KRTAP5-6: variants seen among roughly 807,000 people sequenced by gnomAD.
KRTAP5-6 encodes the protein keratin associated protein 5-6, also known as keratin-associated protein 5-6.
For missense variants in KRTAP5-6, 175 were observed against 157.6 expected (o/e 1.11, Z -0.59); for synonymous variants, 57 against 61.7 (o/e 0.92, Z 0.36).
chr11:1,697,378 T>C lies in KRTAP5-6; in HGVS notation c.133T>C (p.Cys45Arg). ...CKPVCCCVPA[C>R]SCTSCGSCGG... Reference sequence around the variant, plus strand: ...GCCCGTGTGCTGCTGTGTGCCAGCCTGTTCCTGCACCAGCTGTGGCTCTTG... The same window carrying C: ...GCCCGTGTGCTGCTGTGTGCCAGCCCGTTCCTGCACCAGCTGTGGCTCTTG... Residue 45 changes from cysteine (C) to arginine (R), a missense_variant, in exon 1 of 1, where the codon TGT becomes CGT. By Grantham distance (180) the Cys-to-Arg change is radical. Coordinates refer to ENST00000382160, the MANE Select transcript of KRTAP5-6 (RefSeq NM_001012416.1). 2 of 1,612,856 alleles carry C rather than the reference T, an allele frequency of 1.2e-6. No individual in the cohort carries two copies. Among genetic ancestry groups the C allele is most frequent in the Non-Finnish European group, 1.7e-6 (2 of 1,179,896 alleles).
Position 1,697,734 on chromosome 11 carries a change from G to C in KRTAP5-6, c.*99G>C. On this transcript the variant is annotated 3_prime_UTR_variant, in exon 1 of 1. Coordinates refer to ENST00000382160, the MANE Select transcript of KRTAP5-6 (RefSeq NM_001012416.1). ...TTCTGGCTGTCCCACAGCTCCAGGA[G>C]TTGTGTCCCCTGAATTTTGCAGAAG... 6.5e-7 allele frequency: 1 copy of C among 1,538,576 alleles called. No homozygotes were observed. The highest frequency in any genetic ancestry group is 8.9e-7 in the Non-Finnish European group (1 of 1,127,210).
At position 1,697,536 on chromosome 11, in the gene KRTAP5-6, C is replaced by T. The variant is rs775237593; in HGVS notation, c.291C>T (p.Ser97=). Residue 97 remains serine, a synonymous_variant, in exon 1 of 1, where the codon TCC becomes TCT. Coordinates refer to ENST00000382160, the MANE Select transcript of KRTAP5-6 (RefSeq NM_001012416.1). ...QCSCCKPCYC[S]SGCGSSCCQS... is the part of the protein sequence containing the mutation. The stretch of plus-strand genomic sequence containing the variant: ...GTTGCTGCAAGCCCTGCTACTGTTC[C>T]TCAGGCTGTGGGTCATCCTGCTGCC... 3 of 1,613,988 alleles carry T rather than the reference C, an allele frequency of 1.9e-6. No individual in the cohort carries two copies. The highest frequency in any genetic ancestry group is 3.3e-5 in the Admixed American group (2 of 60,008).
chr11:1,697,557 C>T lies in KRTAP5-6; in HGVS notation c.312C>T (p.Cys104=). Residue 104 remains cysteine (C), a synonymous_variant, in exon 1 of 1, where the codon TGC becomes TGT. Coordinates refer to ENST00000382160, the MANE Select transcript of KRTAP5-6 (RefSeq NM_001012416.1). ...GTTCCTCAGGCTGTGGGTCATCCTG[C>T]TGCCAGTCCAGCTGCTGCAAGCCCT... ...CYCSSGCGSS[C]CQSSCCKPCC... is the part of the protein sequence containing the mutation. 2 of 1,614,032 alleles carry T rather than the reference C, an allele frequency of 1.2e-6. No individual in the cohort carries two copies. Among genetic ancestry groups the T allele is most frequent in the Non-Finnish European group, 1.7e-6 (2 of 1,179,992 alleles).
chr11:1,697,496 G>T lies in KRTAP5-6; in HGVS notation c.251G>T (p.Gly84Val), dbSNP rs760881715. 2.5e-6 allele frequency: 4 copies of T among 1,614,054 alleles called. No homozygotes were observed. The highest frequency in any genetic ancestry group is 1.7e-5 in the Admixed American group (1 of 60,016). Residue 84 changes from glycine (G) to valine (V), a missense_variant, in exon 1 of 1, where the codon GGC becomes GTC. Transcript: ENST00000382160. Reference protein sequence around the residue: ...GGSKGGCGSCGCSQCSCCKPC... With the variant: ...GGSKGGCGSCVCSQCSCCKPC... ...TCCAAGGGAGGCTGTGGCTCTTGTGGCTGCTCCCAGTGCAGTTGCTGCAAG... is the reference window on the plus strand; with the variant it reads ...TCCAAGGGAGGCTGTGGCTCTTGTGTCTGCTCCCAGTGCAGTTGCTGCAAG...
Position 1,697,408 on chromosome 11 carries a change from G to A in KRTAP5-6, c.163G>A (p.Gly55Ser). The A allele has an allele frequency of 6.2e-7, 1 of 1,612,350 alleles. No homozygotes were observed. Among genetic ancestry groups the A allele is most frequent in the Admixed American group, 1.7e-5 (1 of 59,934 alleles). ...CTGCACCAGCTGTGGCTCTTGTGGGGGCTCCAAGGGGTGCTGTGGCTCTTG... is the reference window on the plus strand; with the variant it reads ...CTGCACCAGCTGTGGCTCTTGTGGGAGCTCCAAGGGGTGCTGTGGCTCTTG... ...CSCTSCGSCG[G>S]SKGCCGSCGG... The change falls in exon 1 of 1, where the codon GGC (glycine) becomes AGC (serine). Residue 55 changes from glycine (G) to serine (S), a missense_variant. By Grantham distance (56) the Gly-to-Ser change is moderately conservative. Coordinates refer to ENST00000382160, the MANE Select transcript of KRTAP5-6 (RefSeq NM_001012416.1).
At position 1,697,729 on chromosome 11, in the gene KRTAP5-6, C is replaced by A. The variant is rs1443384089; in HGVS notation, c.*94C>A. ...TTCAGTTCTGGCTGTCCCACAGCTCCAGGAGTTGTGTCCCCTGAATTTTGC... is the reference window on the plus strand; with the variant it reads ...TTCAGTTCTGGCTGTCCCACAGCTCAAGGAGTTGTGTCCCCTGAATTTTGC... On this transcript the variant is annotated 3_prime_UTR_variant, in exon 1 of 1. Transcript: ENST00000382160. 2 of 1,554,702 alleles carry A rather than the reference C, an allele frequency of 1.3e-6. No individual in the cohort carries two copies. The highest frequency in any genetic ancestry group is 1.8e-6 in the Non-Finnish European group (2 of 1,138,954).
Position 1,697,312 on chromosome 11 carries a change from G to A in KRTAP5-6, c.67G>A (p.Gly23Ser), listed in dbSNP as rs1850699723. The stretch of plus-strand genomic sequence containing the variant: ...TGGGGGCTGTGGCTCTGGCTGTGGG[G>A]GCTGTGGGTCCAGCTGCTGTGTGCC... ...GCGGCGSGCG[G>S]CGSSCCVPIC... Residue 23 changes from glycine (G) to serine (S), a missense_variant, in exon 1 of 1, where the codon GGC becomes AGC. Gly to Ser is a moderately conservative substitution (Grantham distance 56). Transcript: ENST00000382160. 3.1e-6 allele frequency: 5 copies of A among 1,613,374 alleles called. No individual in the cohort carries two copies. Among genetic ancestry groups the A allele is most frequent in the Non-Finnish European group, 4.2e-6 (5 of 1,179,994 alleles).
At position 1,697,435 on chromosome 11, in the gene KRTAP5-6, G is replaced by T. The variant is rs1182846358; in HGVS notation, c.190G>T (p.Gly64Trp). Residue 64 changes from glycine to tryptophan, a missense_variant, in exon 1 of 1, where the codon GGG (glycine) becomes TGG (tryptophan). Coordinates refer to ENST00000382160, the MANE Select transcript of KRTAP5-6 (RefSeq NM_001012416.1). ...GGSKGCCGSC[G>W]GSKGGCGSCG... Reference sequence around the variant, plus strand: ...CTCCAAGGGGTGCTGTGGCTCTTGTGGGGGCTCCAAAGGGGGCTGTGGCTC... The same window carrying T: ...CTCCAAGGGGTGCTGTGGCTCTTGTTGGGGCTCCAAAGGGGGCTGTGGCTC... 2 of 1,612,806 alleles carry T rather than the reference G, an allele frequency of 1.2e-6. No homozygotes were observed. The highest frequency in any genetic ancestry group is 2.2e-5 in the East Asian group (1 of 44,872).
chr11:1,697,483 T>C lies in KRTAP5-6; in HGVS notation c.238T>C (p.Cys80Arg). Reference protein sequence around the residue: ...CGSCGGSKGGCGSCGCSQCSC... With the variant: ...CGSCGGSKGGRGSCGCSQCSC... The stretch of plus-strand genomic sequence containing the variant: ...CTCTTGTGGGGGCTCCAAGGGAGGC[T>C]GTGGCTCTTGTGGCTGCTCCCAGTG... Residue 80 changes from cysteine (C) to arginine (R), a missense_variant, in exon 1 of 1, where the codon TGT (cysteine) becomes CGT (arginine). Transcript: ENST00000382160. 6.2e-7 allele frequency: 1 copy of C among 1,614,014 alleles called. No individual in the cohort carries two copies. The highest frequency in any genetic ancestry group is 8.5e-7 in the Non-Finnish European group (1 of 1,180,026).
In KRTAP5-6 at chr11:1,697,439, G is replaced by A. The variant is rs1438486841; in HGVS notation, c.194G>A (p.Gly65Asp). ...GSKGCCGSCG[G>D]SKGGCGSCGG... Reference sequence around the variant, plus strand: ...AAGGGGTGCTGTGGCTCTTGTGGGGGCTCCAAAGGGGGCTGTGGCTCTTGT... The same window carrying A: ...AAGGGGTGCTGTGGCTCTTGTGGGGACTCCAAAGGGGGCTGTGGCTCTTGT... Residue 65 changes from glycine to aspartate, a missense_variant, in exon 1 of 1, where the codon GGC becomes GAC. Transcript: ENST00000382160. 2 of 1,612,714 alleles carry A rather than the reference G, an allele frequency of 1.2e-6. No individual in the cohort carries two copies. Among genetic ancestry groups the A allele is most frequent in the Non-Finnish European group, 1.7e-6 (2 of 1,179,782 alleles).
rs539426314 is a variant in KRTAP5-6, at chr11:1,697,695, G to A, written c.*60G>A. 5.9e-5 allele frequency: 95 copies of A among 1,603,734 alleles called. 1 individual carries two copies. The highest frequency in any genetic ancestry group is 3.3e-4 in the Middle Eastern group (2 of 5,994). ...ATCCACACCACCCAAGAAGTGACCA[G>A]TGCTGCATTTCAGTTCTGGCTGTCC... On this transcript the variant is annotated 3_prime_UTR_variant, in exon 1 of 1. Coordinates refer to ENST00000382160, the MANE Select transcript of KRTAP5-6 (RefSeq NM_001012416.1).
rs776108148 is a variant in KRTAP5-6 at position 1,697,365 on chromosome 11, C to T, written c.120C>T (p.Cys40=). 3 of 1,613,004 alleles carry T rather than the reference C, an allele frequency of 1.9e-6. No homozygotes were observed. The highest frequency in any genetic ancestry group is 2.5e-6 in the Non-Finnish European group (3 of 1,179,988). The change falls in exon 1 of 1, where the codon TGC becomes TGT. Residue 40 remains cysteine (C), a synonymous_variant. Transcript: ENST00000382160. ...TCTGCTGCTGCAAGCCCGTGTGCTGCTGTGTGCCAGCCTGTTCCTGCACCA... is the reference window on the plus strand; with the variant it reads ...TCTGCTGCTGCAAGCCCGTGTGCTGTTGTGTGCCAGCCTGTTCCTGCACCA... ...VPICCCKPVC[C]CVPACSCTSC...
Position 1,697,434 on chromosome 11 carries a change from TG to T in KRTAP5-6, c.194del (p.Gly65AlafsTer74), listed in dbSNP as rs763581050. On this transcript the variant is annotated frameshift_variant, in exon 1 of 1. Coordinates refer to ENST00000382160, the MANE Select transcript of KRTAP5-6 (RefSeq NM_001012416.1). LOFTEE classifies it low-confidence loss of function (END_TRUNC). ...GCTCCAAGGGGTGCTGTGGCTCTTG[TG>T]GGGGCTCCAAAGGGGGCTGTGGCTC... ...GGSKGCCGSC[G>X]GSKGGCGSCG... The T allele has an allele frequency of 1.2e-6, 2 of 1,609,306 alleles. No homozygotes were observed. The highest frequency in any genetic ancestry group is 2.2e-5 in the East Asian group (1 of 44,726).
chr11:1,697,596 C>T lies in KRTAP5-6; in HGVS notation c.351C>T (p.Ala117=), dbSNP rs756996891. 3 of 1,614,134 alleles carry T rather than the reference C, an allele frequency of 1.9e-6. No homozygotes were observed. The East Asian group carries it at 6.7e-5, about 36-fold the overall frequency. Residue 117 remains alanine, a synonymous_variant, in exon 1 of 1, where the codon GCC becomes GCT. Coordinates refer to ENST00000382160, the MANE Select transcript of KRTAP5-6 (RefSeq NM_001012416.1). The part of the protein sequence containing the change: ...SSCCKPCCSQ[A]SCCVPICCQC... ...GCTGCAAGCCCTGCTGTTCCCAGGC[C>T]AGCTGCTGTGTCCCCATTTGCTGCC...
chr11:1,697,493 G>A lies in KRTAP5-6; in HGVS notation c.248G>A (p.Cys83Tyr), dbSNP rs1388240399. ...CGGSKGGCGS[C>Y]GCSQCSCCKP... ...GGCTCCAAGGGAGGCTGTGGCTCTTGTGGCTGCTCCCAGTGCAGTTGCTGC... is the reference window on the plus strand; with the variant it reads ...GGCTCCAAGGGAGGCTGTGGCTCTTATGGCTGCTCCCAGTGCAGTTGCTGC... The change falls in exon 1 of 1, where the codon TGT becomes TAT. Residue 83 changes from cysteine (C) to tyrosine (Y), a missense_variant. Coordinates refer to ENST00000382160, the MANE Select transcript of KRTAP5-6 (RefSeq NM_001012416.1). 2 of 1,614,016 alleles carry A rather than the reference G, an allele frequency of 1.2e-6. No individual in the cohort carries two copies. The highest frequency in any genetic ancestry group is 1.7e-6 in the Non-Finnish European group (2 of 1,180,022).
Position 1,697,199 on chromosome 11 carries a change from CCT to C in KRTAP5-6, c.-43_-42del, listed in dbSNP as rs1850697638. ...AGGGAGCTCCATACCTGCACACCTC[CCT>C]CTCACCTGCTCCTCTACCTGCTCCA... On this transcript the variant is annotated 5_prime_UTR_variant, in exon 1 of 1. Coordinates refer to ENST00000382160, the MANE Select transcript of KRTAP5-6 (RefSeq NM_001012416.1). 2 of 1,612,256 alleles carry C rather than the reference CCT, an allele frequency of 1.2e-6. No individual in the cohort carries two copies. The highest frequency in any genetic ancestry group is 4.5e-5 in the East Asian group (2 of 44,878).
chr11:1,697,442 C>A lies in KRTAP5-6; in HGVS notation c.197C>A (p.Ser66Tyr). 6.2e-7 allele frequency: 1 copy of A among 1,612,252 alleles called. No individual in the cohort carries two copies. The highest frequency in any genetic ancestry group is 8.5e-7 in the Non-Finnish European group (1 of 1,179,630). ...GGGTGCTGTGGCTCTTGTGGGGGCTCCAAAGGGGGCTGTGGCTCTTGTGGG... is the reference window on the plus strand; with the variant it reads ...GGGTGCTGTGGCTCTTGTGGGGGCTACAAAGGGGGCTGTGGCTCTTGTGGG... ...SKGCCGSCGGSKGGCGSCGGS... is the reference protein window; with the variant it reads ...SKGCCGSCGGYKGGCGSCGGS... The change falls in exon 1 of 1, where the codon TCC becomes TAC. Residue 66 changes from serine (S) to tyrosine (Y), a missense_variant. Transcript: ENST00000382160.
In KRTAP5-6 at chr11:1,697,481, G is replaced by T. The variant is rs768163884; in HGVS notation, c.236G>T (p.Gly79Val). The change falls in exon 1 of 1, where the codon GGC becomes GTC. Residue 79 changes from glycine (G) to valine (V), a missense_variant. Transcript: ENST00000382160. ...GGCTCTTGTGGGGGCTCCAAGGGAG[G>T]CTGTGGCTCTTGTGGCTGCTCCCAG... ...GCGSCGGSKG[G>V]CGSCGCSQCS... is the part of the protein sequence containing the mutation. The T allele has an allele frequency of 6.2e-7, 1 of 1,613,882 alleles. No individual in the cohort carries two copies. The highest frequency in any genetic ancestry group is 1.3e-5 in the African/African-American group (1 of 74,896).
Position 1,697,257 on chromosome 11 carries a change from T to A in KRTAP5-6, c.12T>A (p.Cys4Ter), listed in dbSNP as rs1850698631. 1 of 1,613,218 alleles carries A rather than the reference T, an allele frequency of 6.2e-7. No individual in the cohort carries two copies. The highest frequency in any genetic ancestry group is 1.3e-5 in the African/African-American group (1 of 74,890). ...AATCCACCAGAACCATGGGCTGCTG[T>A]GGCTGCTCTGGAGGCTGTGGCTCCG... The part of the protein sequence containing the change: MGC[C>*]GCSGGCGSGC... The change falls in exon 1 of 1, where the codon TGT becomes TGA. Residue 4 changes from cysteine (C) to a stop codon, truncating the protein, a stop_gained. Transcript: ENST00000382160. LOFTEE classifies it low-confidence loss of function (END_TRUNC).
Sources: gnomAD v4.1 joint callset for allele counts on GRCh38, gnomAD v4.1.1 for gene constraint, MANE v1.5 for transcripts, NCBI Gene and HGNC (gene_info 2026-07-23, HGNC 2026-07-21) for gene names.